The following NDST3 variants were observed in gnomAD, a reference collection of about 807,000 sequenced individuals.
The protein encoded by NDST3 is N-deacetylase and N-sulfotransferase 3.
A neutral mutation model predicts 96.1 loss-of-function variants in NDST3; 58 were observed. The ratio of observed to expected loss-of-function variants is 0.60; its 90% confidence interval spans 0.49 to 0.75. NDST3 has a LOEUF of 0.75. NDST3 is among the 30% of genes least tolerant of loss of function. The pLI is 0.00. For synonymous variants in NDST3, 333 were observed against 359.7 expected (o/e 0.93, Z 0.84); for missense variants, 788 against 1,034.2 (o/e 0.76, Z 3.27).
chr4:118,228,714 A>T lies in NDST3; in HGVS notation c.1819+1732A>T, dbSNP rs1740071390. Reference sequence around the variant, plus strand: ...TACAGAACAGTTGTTAGCCTAAAAAAATTTCTCCTTGTTCCTTTGCAGTCT... The same window carrying T: ...TACAGAACAGTTGTTAGCCTAAAAATATTTCTCCTTGTTCCTTTGCAGTCT... On this transcript the variant is annotated intron_variant, in intron 8 of 13. Coordinates refer to ENST00000296499, the MANE Select transcript of NDST3 (RefSeq NM_004784.3). Among the ~76,000 whole-genome samples, 3 of 152,132 alleles carry T rather than the reference A, an allele frequency of 2.0e-5. No homozygotes were observed. In the South Asian group the frequency reaches 6.2e-4, roughly 32 times the overall value.
chr4:118,139,686 C>T (rs1464409084), intron 5 of NDST3, among the ~76,000 whole-genome samples: 1 of 152,148 alleles, frequency 6.6e-6, no homozygotes, highest in Non-Finnish European at 1.5e-5. Flanking sequence ...CCAAATCCAA[C>T]TCAAAAGGTC....
chr4:118,230,916 G>A lies in NDST3; in HGVS notation c.1820-2096G>A, dbSNP rs575266068. ...ATTTTTCTATTGTATAGATATGGTAGATTTAAGTAAATATTAAAGAAAGCT... is the reference window on the plus strand; with the variant it reads ...ATTTTTCTATTGTATAGATATGGTAAATTTAAGTAAATATTAAAGAAAGCT... On this transcript the variant is annotated intron_variant, in intron 8 of 13. Transcript: ENST00000296499. Among the ~76,000 whole-genome samples the A allele has an allele frequency of 3.7e-4, 57 of 152,100 alleles. 1 individual carries two copies. Among genetic ancestry groups the A allele is most frequent in the African/African-American group, 9.9e-4 (41 of 41,470 alleles).
At chr4:118,201,592 G>T (rs142276493) in intron 6 of NDST3, among the ~76,000 whole-genome samples, 4 of 152,224 alleles carry the variant, frequency 2.6e-5, no homozygotes, top group Non-Finnish European at 5.9e-5. Context: ...CTTTTGAGAA[G>T]TATGTGTTCA....
At chr4:118,236,543 A>G (rs1162052936) in intron 9 of NDST3, among the ~76,000 whole-genome samples, 1 of 152,240 alleles carries the variant, frequency 6.6e-6, no homozygotes, top group Non-Finnish European at 1.5e-5. Context: ...TATACTCTGC[A>G]TCTTTCACAC....
At chr4:118,214,726 G>A (rs1026982919) in intron 6 of NDST3, among the ~76,000 whole-genome samples, 1 of 152,060 alleles carries the variant, frequency 6.6e-6, no homozygotes, top group Non-Finnish European at 1.5e-5. Flanking sequence ...GAGAGGATCC[G>A]TTGGAGTTAT....
At chr4:118,073,797 G>A (rs1476422582) in intron 2 of NDST3, among the ~76,000 whole-genome samples, 2 of 151,678 alleles carry the variant, frequency 1.3e-5, no homozygotes, top group East Asian at 1.9e-4. Flanking sequence ...TACTTTTGCA[G>A]TTGGTTTGCT....
intron 9 of NDST3, among the ~76,000 whole-genome samples, chr4:118,235,733 C>T (rs568291054): frequency 1.8e-4 from 27 of 152,256 alleles, no homozygotes; most frequent in South Asian, 1.2e-3. Flanking sequence ...TGGCACTCTC[C>T]GTAAATAGAA....
chr4:118,232,679 A>G (rs1266132591), intron 8 of NDST3, among the ~76,000 whole-genome samples: 5 of 143,098 alleles, frequency 3.5e-5, no homozygotes, highest in South Asian at 2.3e-4. Context: ...GAAAGAAAAG[A>G]AAAGGAAAGA....
At chr4:118,183,012 T>C (rs1432758874) in intron 6 of NDST3, among the ~76,000 whole-genome samples, 5 of 152,058 alleles carry the variant, frequency 3.3e-5, no homozygotes, top group Non-Finnish European at 5.9e-5. Context: ...AGACTACTCA[T>C]ACCAAACAAA....
chr4:118,211,363 A>G (rs911486921), intron 6 of NDST3, among the ~76,000 whole-genome samples: 1 of 152,296 alleles, frequency 6.6e-6, no homozygotes, highest in Admixed American at 6.5e-5. Context: ...TATGAGCTAC[A>G]TAATTATTTT....
intron 1 of NDST3, among the ~76,000 whole-genome samples, chr4:118,048,701 C>G (rs1724906511): frequency 1.3e-5 from 2 of 152,058 alleles, no homozygotes; most frequent in African/African-American, 4.8e-5. Context: ...TATATACACC[C>G]AACATTGGAG....
intron 1 of NDST3, among the ~76,000 whole-genome samples, chr4:118,039,116 CTT>C (rs1350367472): frequency 1.3e-5 from 2 of 152,056 alleles, no homozygotes; most frequent in Non-Finnish European, 2.9e-5. Context: ...TTGGTGGAGT[CTT>C]TTTAAAAACA....
At chr4:118,047,679 A>G (rs1724847511) in intron 1 of NDST3, among the ~76,000 whole-genome samples, 1 of 152,332 alleles carries the variant, frequency 6.6e-6, no homozygotes, top group African/African-American at 2.4e-5. Context: ...CTTCGGGCCA[A>G]CTCAACTCAG....
chr4:118,088,179 G>C (rs1425348625), intron 2 of NDST3, among the ~76,000 whole-genome samples: 2 of 151,976 alleles, frequency 1.3e-5, no homozygotes, highest in African/African-American at 4.8e-5. Flanking sequence ...AATATGTACT[G>C]TGAATAAAAA....
chr4:118,229,161 C>T lies in NDST3; in HGVS notation c.1819+2179C>T, dbSNP rs563241757. Among the ~76,000 whole-genome samples, 243 of 152,186 alleles carry T rather than the reference C, an allele frequency of 1.6e-3. 1 individual carries two copies. Among genetic ancestry groups the T allele is most frequent in the Non-Finnish European group, 2.7e-3 (187 of 68,000 alleles). ...ACTAAAAATACAAAAACTAGCCAGG[C>T]GTGGTGGCGTGCACCTGTAGTCCCA... On this transcript the variant is annotated intron_variant, in intron 8 of 13. Transcript: ENST00000296499.
At chr4:118,038,945 A>G (rs562843075) in intron 1 of NDST3, among the ~76,000 whole-genome samples, 1 of 152,322 alleles carries the variant, frequency 6.6e-6, no homozygotes, top group Non-Finnish European at 1.5e-5. Context: ...GGTTACATTG[A>G]CAAGCAGGCA....
chr4:118,128,331 T>C (rs147410625), intron 4 of NDST3, among the ~76,000 whole-genome samples: 7 of 152,202 alleles, frequency 4.6e-5, no homozygotes, highest in African/African-American at 1.7e-4. Flanking sequence ...CTGTCATAGA[T>C]GGATTTTATT....
At chr4:118,167,662 A>G (rs2125933006) in intron 6 of NDST3, among the ~76,000 whole-genome samples, 1 of 152,184 alleles carries the variant, frequency 6.6e-6, no homozygotes, top group African/African-American at 2.4e-5. Flanking sequence ...TTGAAAATAT[A>G]TTACAAAGAT....
chr4:118,188,797 T>G (rs1327453947), intron 6 of NDST3, among the ~76,000 whole-genome samples: 1 of 152,084 alleles, frequency 6.6e-6, no homozygotes, highest in Non-Finnish European at 1.5e-5. Context: ...TTCATGAACC[T>G]CCTTAAAAAC....
Sources: allele counts gnomAD v4.1 joint callset (sites outside exome capture counted in the v4.1 genomes callset), GRCh38; gene constraint gnomAD v4.1.1; transcripts MANE v1.5; gene names NCBI Gene and HGNC (gene_info 2026-07-23, HGNC 2026-07-21).